Variants in DAW1 observed in about 807,000 individuals in gnomAD.
DAW1 encodes the protein dynein assembly factor with WD repeat domains 1.
A neutral mutation model predicts 56.5 loss-of-function variants in DAW1; 47 were observed. The observed-to-expected ratio is 0.83, with a 90% confidence interval of 0.66 to 1.06. DAW1 has a LOEUF of 1.06. Ranked by LOEUF, DAW1 falls within the 50% of genes least tolerant of loss-of-function variation. The pLI, the probability that DAW1 is intolerant of heterozygous loss-of-function variation, is 0.00. For synonymous variants in DAW1, 190 were observed against 179.0 expected (o/e 1.06, Z -0.49); for missense variants, 505 against 499.3 (o/e 1.01, Z -0.11).
Position 227,905,492 on chromosome 2 carries a change from G to C in DAW1, c.755+457G>C, listed in dbSNP as rs796159471. Among the ~76,000 whole-genome samples, 7 of 152,246 alleles carry C rather than the reference G, an allele frequency of 4.6e-5. No individual in the cohort carries two copies. The South Asian group carries it at 1.5e-3, about 32-fold the overall frequency. On this transcript the variant is annotated intron_variant, in intron 8 of 12. Transcript: ENST00000309931. ...ATTTGTGTTGGAAAACTCTACTCTT[G>C]GATTTGTCTGTGATTTAATAGAGGG... is the stretch of plus-strand genomic sequence containing the variant.
intron 2 of DAW1, 193 bp from the exon 3 acceptor site, chr2:227,889,663 C>T (rs554496224): frequency 3.6e-5 from 15 of 412,580 alleles, no homozygotes; most frequent in Middle Eastern, 1.3e-3. Flanking sequence ...TTCTTGCTTT[C>T]CTGCCATCAT....
At chr2:227,922,402 G>A (rs952501902) in intron 12 of DAW1, among the ~76,000 whole-genome samples, 7 of 152,204 alleles carry the variant, frequency 4.6e-5, no homozygotes, top group Admixed American at 3.9e-4. Context: ...ATCGTGGAAA[G>A]GGGAGAAAAA....
chr2:227,919,160 C>T lies in DAW1; in HGVS notation c.1050+304C>T, dbSNP rs1692046530. 2.1e-5 allele frequency among the ~76,000 whole-genome samples: 3 copies of T among 142,024 alleles called. No individual in the cohort carries two copies. The Admixed American group carries it at 2.2e-4, about 11-fold the overall frequency. The allele number at this position is 142,024 out of a possible 152,430, so 93.2% of individuals were successfully genotyped here. The stretch of plus-strand genomic sequence containing the variant: ...GCAGTGAGATGTGATTGCACCACTG[C>T]ATTCCAGCCTGGGTGACAGAGCAAG... On this transcript the variant is annotated intron_variant, in intron 11 of 12. Coordinates refer to ENST00000309931, the MANE Select transcript of DAW1 (RefSeq NM_178821.3).
intron 1 of DAW1, among the ~76,000 whole-genome samples, chr2:227,877,670 G>T (rs1171940318): frequency 1.3e-5 from 2 of 152,244 alleles, no homozygotes; most frequent in Non-Finnish European, 2.9e-5. Context: ...GCATTAGTTA[G>T]ATTTGCGTAA....
At position 227,881,357 on chromosome 2, in the gene DAW1, A is replaced by G. The variant is rs182435280; in HGVS notation, c.41-3994A>G. On this transcript the variant is annotated intron_variant, in intron 1 of 12. Transcript: ENST00000309931. The stretch of plus-strand genomic sequence containing the variant: ...AATGTGTTGCTCGTACTTGAACCTG[A>G]ACACAAATCACAGGCCTGCTGTGCT... Among the ~76,000 whole-genome samples the G allele has an allele frequency of 6.6e-5, 10 of 152,360 alleles. No individual in the cohort carries two copies. The East Asian group carries it at 1.9e-3, about 29-fold the overall frequency.
chr2:227,905,786 G>T (rs1001668340), intron 8 of DAW1, among the ~76,000 whole-genome samples: 1 of 149,078 alleles, frequency 6.7e-6, no homozygotes, highest in Admixed American at 6.6e-5. Context: ...ACGGAGTCTC[G>T]CTCTGTTGCC....
At chr2:227,899,792 C>A (rs62192085) in intron 6 of DAW1, among the ~76,000 whole-genome samples, 28,308 of 152,094 alleles carry the variant, frequency 0.19, 3,521 homozygotes, top group Middle Eastern at 0.3. Context: ...AGCACCCACA[C>A]CCACCCCTGG....
intron 10 of DAW1, among the ~76,000 whole-genome samples, chr2:227,910,062 C>T (rs1044102137): frequency 6.6e-6 from 1 of 152,144 alleles, no homozygotes; most frequent in African/African-American, 2.4e-5. Context: ...TCTGAGGTAT[C>T]CTAAAACATG....
chr2:227,874,970 A>ACAAC (rs1384887661), intron 1 of DAW1, among the ~76,000 whole-genome samples: 2 of 125,118 alleles, frequency 1.6e-5, no homozygotes, highest in Non-Finnish European at 3.5e-5. Flanking sequence ...CTCAAAACAA[A>ACAAC]CAAACAAACA....
At chr2:227,893,614 G>A (rs953874814) in intron 4 of DAW1, among the ~76,000 whole-genome samples, 181 bp from the exon 5 acceptor site, 3 of 152,058 alleles carry the variant, frequency 2.0e-5, no homozygotes, top group Non-Finnish European at 2.9e-5. Flanking sequence ...AGAGGTTGCA[G>A]TGCGCCGAGA....
At position 227,885,411 on chromosome 2, in the gene DAW1, A is replaced by T; in HGVS notation, c.101A>T (p.Asp34Val). 6.2e-7 allele frequency: 1 copy of T among 1,602,926 alleles called. No homozygotes were observed. The highest frequency in any genetic ancestry group is 8.5e-7 in the Non-Finnish European group (1 of 1,176,152). The change falls in exon 2 of 13, where the codon GAT becomes GTT. Residue 34 changes from aspartate (D) to valine (V), a missense_variant. Transcript: ENST00000309931. ...ELKTKSIDLL[D>V]LGPSTDVSAL... ...AAGACTAAGTCCATAGATTTGCTTG[A>T]TCTTGGTCCCAGGTAAGTAAGCTGT...
intron 10 of DAW1, among the ~76,000 whole-genome samples, chr2:227,918,505 T>C (rs1692027260): frequency 6.6e-6 from 1 of 152,146 alleles, no homozygotes; most frequent in Non-Finnish European, 1.5e-5. Context: ...GTTTTTTCTT[T>C]CTGGATTCCT....
At position 227,912,152 on chromosome 2, in the gene DAW1, A is replaced by G. The variant is rs138515490; in HGVS notation, c.973+4900A>G. On this transcript the variant is annotated intron_variant, in intron 10 of 12. Transcript: ENST00000309931. ...ATGTGTGTACATTGTCTTTTCTGGA[A>G]CCAAGTATAATGTTACATTCTGCCT... 2.1e-4 allele frequency: 77 copies of G among 364,210 alleles called. No individual in the cohort carries two copies. In the East Asian group the frequency reaches 5.2e-3, roughly 25 times the overall value. 22.6% of individuals were successfully genotyped at this position (364,210 alleles called of 1,614,324 possible).
chr2:227,922,194 A>G (rs1009384435), intron 12 of DAW1, among the ~76,000 whole-genome samples: 1 of 152,230 alleles, frequency 6.6e-6, no homozygotes, highest in Non-Finnish European at 1.5e-5. Flanking sequence ...TTAGTAACCA[A>G]AACAAGTCAG....
intron 7 of DAW1, among the ~76,000 whole-genome samples, chr2:227,903,979 TC>T (rs1037509335): frequency 8.2e-5 from 11 of 133,370 alleles, no homozygotes; most frequent in Admixed American, 3.7e-4. Flanking sequence ...TGTTCTCAGT[TC>T]TTTTTTCGTT....
intron 7 of DAW1, among the ~76,000 whole-genome samples, chr2:227,904,353 A>T (rs1373899949): frequency 2.0e-5 from 3 of 152,202 alleles, no homozygotes; most frequent in Non-Finnish European, 4.4e-5. Flanking sequence ...GAGTTCCAGA[A>T]TCTGCTGTGG....
rs113268818 is a variant in DAW1 at position 227,891,031 on chromosome 2, C to G, written c.259-224C>G. ...CATATTTAGTGTATTTCCTACATACCCAGTTTATACATGTATACAAAACCA... is the reference window on the plus strand; with the variant it reads ...CATATTTAGTGTATTTCCTACATACGCAGTTTATACATGTATACAAAACCA... On this transcript the variant is annotated intron_variant, in intron 3 of 12. Coordinates refer to ENST00000309931, the MANE Select transcript of DAW1 (RefSeq NM_178821.3). 5.2e-3 allele frequency among the ~76,000 whole-genome samples: 795 copies of G among 152,098 alleles called. 11 individuals are homozygous for G. Among genetic ancestry groups the G allele is most frequent in the African/African-American group, 0.019 (776 of 41,516 alleles).
chr2:227,888,089 T>C (rs7596022), intron 2 of DAW1, among the ~76,000 whole-genome samples: 80,695 of 152,072 alleles, frequency 0.53, 21,696 homozygotes, highest in Admixed American at 0.62. Flanking sequence ...TATGGATGGT[T>C]CCTGGTTCAT....
intron 10 of DAW1, among the ~76,000 whole-genome samples, chr2:227,917,142 ATCTGTCTGTCTG>A (rs58001363): frequency 0.016 from 2,213 of 138,538 alleles, 24 homozygotes; most frequent in African/African-American, 0.033. Flanking sequence ...CTATCTATCT[ATCTGTCTGTCTG>A]TCTGTCTGTC....
Sources: allele counts gnomAD v4.1 joint callset (sites outside exome capture counted in the v4.1 genomes callset), GRCh38; gene constraint gnomAD v4.1.1; transcripts MANE v1.5; gene names NCBI Gene and HGNC (gene_info 2026-07-23, HGNC 2026-07-21).